Variants in DTNBP1 observed in about 807,000 individuals in gnomAD.
DTNBP1 encodes dystrobrevin binding protein 1.
Under a neutral mutation model 42.8 loss-of-function variants are expected in DTNBP1, and 35 were observed. That is an observed-to-expected ratio of 0.82 (90% CI 0.63 to 1.09). The LOEUF (loss-of-function observed/expected upper bound fraction) is 1.09. Ranked by LOEUF, DTNBP1 falls within the 50% of genes least tolerant of loss-of-function variation. The pLI is 0.00. For missense variants in DTNBP1, 457 were observed against 424.2 expected (o/e 1.08, Z -0.68); for synonymous variants, 171 against 162.2 (o/e 1.05, Z -0.41).
chr6:15,526,105 G>T (rs1030369364), intron 8 of DTNBP1, among the ~76,000 whole-genome samples: 1 of 152,228 alleles, frequency 6.6e-6, no homozygotes, highest in African/African-American at 2.4e-5. Flanking sequence ...TCAAAGAGGA[G>T]AGAGAAATGT....
rs1773871089 is a variant in DTNBP1, at chr6:15,546,195, A to C, written c.512-12800T>G. 3 of 326,756 alleles carry C rather than the reference A, an allele frequency of 9.2e-6. No individual in the cohort carries two copies. In the East Asian group the frequency reaches 2.3e-4, roughly 26 times the overall value. 20.2% of individuals were successfully genotyped at this position (326,756 alleles called of 1,614,324 possible). The stretch of plus-strand genomic sequence containing the variant: ...ATTCTCCTGCCTCAGCCTCCTGAGT[A>C]GCTGGGATTACAGGCGCGTACCACC... On this transcript the variant is annotated intron_variant, in intron 7 of 9. Transcript: ENST00000344537.
intron 7 of DTNBP1, among the ~76,000 whole-genome samples, chr6:15,545,021 A>T (rs1581293081): frequency 6.6e-6 from 1 of 152,224 alleles, no homozygotes; most frequent in Non-Finnish European, 1.5e-5. Flanking sequence ...TGCAGTTTTA[A>T]AAACCACTTT....
intron 7 of DTNBP1, chr6:15,579,728 C>G (rs982660691): frequency 2.9e-6 from 1 of 346,024 alleles, no homozygotes; most frequent in Non-Finnish European, 5.9e-6. Context: ...TCACTTGAAC[C>G]TGGGAGGCGG....
chr6:15,627,165 C>T (rs1759392936), intron 5 of DTNBP1, among the ~76,000 whole-genome samples, 178 bp downstream of exon 5: 1 of 152,142 alleles, frequency 6.6e-6, no homozygotes, highest in South Asian at 2.1e-4. Flanking sequence ...CTAATTTCTA[C>T]ACTTTACATC....
At chr6:15,656,857 G>T (rs1022521960) in intron 1 of DTNBP1, among the ~76,000 whole-genome samples, 1 of 152,130 alleles carries the variant, frequency 6.6e-6, no homozygotes, top group African/African-American at 2.4e-5. Context: ...CCTGCATGAC[G>T]TTTCATTTAC....
rs562984300 is a variant in DTNBP1 at position 15,645,268 on chromosome 6, G to T, written c.161+6045C>A. On this transcript the variant is annotated intron_variant, in intron 3 of 9. Coordinates refer to ENST00000344537, the MANE Select transcript of DTNBP1 (RefSeq NM_032122.5). ...TCTGAACAGACCAATAACAAGTTAC[G>T]AAATTCAATCAGTAATAATAATAAT... is the stretch of plus-strand genomic sequence containing the variant. Among the ~76,000 whole-genome samples the T allele has an allele frequency of 2.0e-5, 3 of 151,660 alleles. No homozygotes were observed. In the East Asian group the frequency reaches 5.8e-4, roughly 29 times the overall value.
rs552812050 is a variant in DTNBP1 at position 15,593,168 on chromosome 6, T to C, written c.489-87A>G. ...GTTCTTCCATCATAATAAAAACTTA[T>C]GTACTTTAAATGCCCACAGTGGTAT... is the stretch of plus-strand genomic sequence containing the variant. On this transcript the variant is annotated intron_variant, in intron 6 of 9. Coordinates refer to ENST00000344537, the MANE Select transcript of DTNBP1 (RefSeq NM_032122.5). The C allele has an allele frequency of 1.6e-3, 1,990 of 1,273,252 alleles. 37 individuals are homozygous for C. In the South Asian group the frequency reaches 0.026, roughly 17 times the overall value. 78.9% of individuals were successfully genotyped at this position (1,273,252 alleles called of 1,614,324 possible). A position where few individuals can be genotyped will look rare whatever the true frequency, so the allele number is the denominator to read the frequency against.
At chr6:15,533,721 G>A (rs1005086829) in intron 7 of DTNBP1, 85 of 498,616 alleles carry the variant, frequency 1.7e-4, no homozygotes, top group African/African-American at 1.2e-3. Context: ...TTCTCAGGTC[G>A]TCCTTCTACT....
intron 7 of DTNBP1, among the ~76,000 whole-genome samples, chr6:15,570,701 G>C (rs572700533): frequency 3.6e-4 from 55 of 152,214 alleles, no homozygotes; most frequent in Non-Finnish European, 5.9e-4. Flanking sequence ...ACAGTACTCT[G>C]TTCTTCCTGG....
intron 7 of DTNBP1, among the ~76,000 whole-genome samples, chr6:15,545,168 A>G (rs1012789258): frequency 6.6e-6 from 1 of 152,150 alleles, no homozygotes; most frequent in African/African-American, 2.4e-5. Flanking sequence ...CTCAGGCTGG[A>G]TTAAAAAAAA....
intron 4 of DTNBP1, among the ~76,000 whole-genome samples, chr6:15,631,379 G>A (rs1562002526): frequency 6.6e-6 from 1 of 152,032 alleles, no homozygotes; most frequent in Non-Finnish European, 1.5e-5. Context: ...ACATCTGACA[G>A]GAAATTCTTT....
intron 7 of DTNBP1, among the ~76,000 whole-genome samples, chr6:15,559,402 T>C (rs1774713331): frequency 6.6e-6 from 1 of 152,228 alleles, no homozygotes; most frequent in African/African-American, 2.4e-5. Flanking sequence ...CATCTTGTTT[T>C]ATCCTACACA....
intron 6 of DTNBP1, among the ~76,000 whole-genome samples, chr6:15,604,378 G>A (rs1324913329): frequency 6.6e-6 from 1 of 152,106 alleles, no homozygotes; most frequent in Non-Finnish European, 1.5e-5. Context: ...GCTAGTTACT[G>A]CCCTGCTGCT....
At chr6:15,592,915 G>A in intron 7 of DTNBP1, 144 bp downstream of exon 7, 1 of 856,850 alleles carries the variant, frequency 1.2e-6, no homozygotes. Flanking sequence ...CTGTGATTAA[G>A]CAAAACCTAC....
intron 6 of DTNBP1, among the ~76,000 whole-genome samples, chr6:15,603,357 GA>G (rs1160719086): frequency 1.4e-4 from 21 of 152,306 alleles, no homozygotes; most frequent in African/African-American, 2.4e-4. Flanking sequence ...CTAATAGGGA[GA>G]GGGGGGAGTA....
At chr6:15,609,548 T>C (rs1427583674) in intron 6 of DTNBP1, among the ~76,000 whole-genome samples, 2 of 152,220 alleles carry the variant, frequency 1.3e-5, no homozygotes, top group African/African-American at 4.8e-5. Flanking sequence ...CTCTATCTCC[T>C]GACCTCGTGT....
At chr6:15,548,814 A>G (rs1416122544) in intron 7 of DTNBP1, among the ~76,000 whole-genome samples, 1 of 152,228 alleles carries the variant, frequency 6.6e-6, no homozygotes, top group African/African-American at 2.4e-5. Context: ...AAAAACAAAA[A>G]GAAAAAAGCC....
chr6:15,587,582 T>G lies in DTNBP1; in HGVS notation c.511+5477A>C, dbSNP rs1776130598. ...CAAAGTTGAGAGTTCAGAAAAAAAC[T>G]CTTACATTATGGTCACTGGTTTCCT... On this transcript the variant is annotated intron_variant, in intron 7 of 9. Coordinates refer to ENST00000344537, the MANE Select transcript of DTNBP1 (RefSeq NM_032122.5). The surrounding 1 kb of genome is among the most constrained non-coding windows in gnomAD (Gnocchi z 4.1). Among the ~76,000 whole-genome samples the G allele has an allele frequency of 6.6e-6, 1 of 152,142 alleles. No individual in the cohort carries two copies. Among genetic ancestry groups the G allele is most frequent in the African/African-American group, 2.4e-5 (1 of 41,432 alleles).
chr6:15,639,000 G>A (rs1760189186), intron 3 of DTNBP1, among the ~76,000 whole-genome samples: 1 of 151,914 alleles, frequency 6.6e-6, no homozygotes, highest in Admixed American at 6.6e-5. Flanking sequence ...GCCCAGCCTT[G>A]GCCAGTACTC....
Sources: allele counts gnomAD v4.1 joint callset (sites outside exome capture counted in the v4.1 genomes callset), GRCh38; gene constraint gnomAD v4.1.1; non-coding constraint Gnocchi (gnomAD v3.1); transcripts MANE v1.5; gene names NCBI Gene and HGNC (gene_info 2026-07-23, HGNC 2026-07-21).